MRTFB: variants seen among roughly 807,000 people sequenced by gnomAD.
The protein encoded by MRTFB is myocardin-related transcription factor B.
In MRTFB, 29 loss-of-function variants were observed where a neutral mutation model predicts 104.2. The ratio of observed to expected loss-of-function variants is 0.28; its 90% confidence interval spans 0.21 to 0.38. The LOEUF is 0.38. MRTFB is among the 10% of genes least tolerant of loss of function. The probability of loss-of-function intolerance (pLI) is 1.00; values close to 1 mark genes in which losing one functional copy is unlikely to be tolerated. For missense variants in MRTFB, 1,270 were observed against 1,341.6 expected (o/e 0.95, Z 0.83); for synonymous variants, 535 against 519.5 (o/e 1.03, Z -0.41).
intron 3 of MRTFB, among the ~76,000 whole-genome samples, chr16:14,146,186 C>T (rs2038302178): frequency 6.6e-6 from 1 of 152,238 alleles, no homozygotes; most frequent in African/African-American, 2.4e-5. Flanking sequence ...GTCATGTTGA[C>T]ATGGTCACAG....
chr16:14,012,466 T>G, the MRTFB span, among the ~76,000 whole-genome samples: 1 of 151,470 alleles, frequency 6.6e-6, no homozygotes, highest in African/African-American at 2.4e-5. Context: ...GCCTGGCTAA[T>G]TTTTTGTATT....
At chr16:14,254,649 A>C (rs147848339) in intron 15 of MRTFB, among the ~76,000 whole-genome samples, 5 of 152,228 alleles carry the variant, frequency 3.3e-5, no homozygotes, top group Non-Finnish European at 5.9e-5. Context: ...TGGAACATCT[A>C]CCCAAGAAAC....
chr16:14,054,895 A>C, the MRTFB span, among the ~76,000 whole-genome samples: 1 of 152,248 alleles, frequency 6.6e-6, no homozygotes, highest in Non-Finnish European at 1.5e-5. Flanking sequence ...AAACAGGTAA[A>C]CTGAGCACCT....
chr16:14,029,441 T>TACAC, the MRTFB span, among the ~76,000 whole-genome samples: 81 of 56,330 alleles, frequency 1.4e-3, 1 homozygote, highest in African/African-American at 2.5e-3. Context: ...TATATATATA[T>TACAC]ATATACACAC....
intron 2 of MRTFB, among the ~76,000 whole-genome samples, chr16:14,085,745 C>A (rs982608438): frequency 6.6e-6 from 1 of 152,066 alleles, no homozygotes; most frequent in African/African-American, 2.4e-5. Context: ...TGAGAAGGGC[C>A]TTAAATTTTA....
chr16:14,184,321 C>T (rs932721890), intron 3 of MRTFB, among the ~76,000 whole-genome samples: 1 of 151,102 alleles, frequency 6.6e-6, no homozygotes, highest in Non-Finnish European at 1.5e-5. Flanking sequence ...CTCCCGGGTT[C>T]AAGCGATTGT....
upstream of MRTFB, chr16:14,071,236 G>A (rs1043109915): frequency 2.0e-5 from 3 of 153,256 alleles, no homozygotes; most frequent in Non-Finnish European, 2.9e-5. Flanking sequence ...GCAGCGTCCG[G>A]GGAGCGCGCC....
chr16:14,196,568 T>C (rs554285937), intron 3 of MRTFB, among the ~76,000 whole-genome samples: 3 of 152,370 alleles, frequency 2.0e-5, no homozygotes, highest in East Asian at 3.9e-4. Flanking sequence ...CTAACTTTTT[T>C]CAAACACTAA....
the MRTFB span, among the ~76,000 whole-genome samples, chr16:14,049,361 G>A: frequency 6.6e-6 from 1 of 152,144 alleles, no homozygotes; most frequent in Non-Finnish European, 1.5e-5. Flanking sequence ...GATGATAATT[G>A]AAACATAAAT....
chr16:14,256,999 C>T (rs181591293), intron 15 of MRTFB, among the ~76,000 whole-genome samples: 12 of 152,278 alleles, frequency 7.9e-5, no homozygotes, highest in African/African-American at 2.2e-4. Flanking sequence ...TGCTCAACAT[C>T]ATTAGTCATT....
At chr16:14,258,012 T>C in intron 15 of MRTFB, 89 bp from the exon 16 acceptor site, 1 of 1,107,844 alleles carries the variant, frequency 9.0e-7, no homozygotes, top group Non-Finnish European at 1.3e-6. Context: ...TAGAACTAAA[T>C]CATCTAGAAA....
chr16:14,162,152 CAAAAAAA>C (rs376183467), intron 3 of MRTFB, among the ~76,000 whole-genome samples: 233 of 62,704 alleles, frequency 3.7e-3, no homozygotes, highest in African/African-American at 7.1e-3. Flanking sequence ...CCTGTCTCTA[CAAAAAAA>C]AAAAAAAAAA....
chr16:14,051,929 C>T, the MRTFB span, among the ~76,000 whole-genome samples: 1 of 152,110 alleles, frequency 6.6e-6, no homozygotes, highest in Non-Finnish European at 1.5e-5. Context: ...CCTGGACTTC[C>T]CTTTACATGC....
chr16:14,254,795 A>G (rs2043409218), intron 15 of MRTFB, among the ~76,000 whole-genome samples: 1 of 152,266 alleles, frequency 6.6e-6, no homozygotes, highest in African/African-American at 2.4e-5. Context: ...CATCATACAA[A>G]GAATTGGGAA....
the MRTFB span, among the ~76,000 whole-genome samples, chr16:14,023,068 G>A: frequency 1.3e-5 from 2 of 151,962 alleles, no homozygotes; most frequent in African/African-American, 4.8e-5. Context: ...CTTATGTTGT[G>A]TGGTTTCCCC....
At chr16:14,046,568 T>C in the MRTFB span, among the ~76,000 whole-genome samples, 1 of 152,176 alleles carries the variant, frequency 6.6e-6, no homozygotes, top group Admixed American at 6.5e-5. Flanking sequence ...CTTTGGAATA[T>C]GCCAGGCTTT....
At chr16:14,244,394 T>C (rs1429317495) in intron 10 of MRTFB, among the ~76,000 whole-genome samples, 3 of 152,192 alleles carry the variant, frequency 2.0e-5, no homozygotes, top group Non-Finnish European at 4.4e-5. Flanking sequence ...TTCTGTTAGA[T>C]GTCTTATCTA....
intron 2 of MRTFB, among the ~76,000 whole-genome samples, chr16:14,129,767 T>A (rs922223723): frequency 3.9e-5 from 6 of 152,230 alleles, no homozygotes; most frequent in Non-Finnish European, 7.3e-5. Flanking sequence ...CCGTAATAAC[T>A]GATTATATTG....
chr16:14,230,971 A>T (rs2042233074), intron 8 of MRTFB, among the ~76,000 whole-genome samples: 1 of 151,746 alleles, frequency 6.6e-6, no homozygotes, highest in African/African-American at 2.4e-5. Context: ...TGATGAGTTC[A>T]TGTCCTTTGT....
Sources: gnomAD v4.1 joint callset for allele counts (sites outside exome capture counted in the v4.1 genomes callset) on GRCh38, gnomAD v4.1.1 for gene constraint, MANE v1.5 for transcripts, NCBI Gene and HGNC (gene_info 2026-07-23, HGNC 2026-07-21) for gene names.